KCNMA1: variants seen among roughly 807,000 people sequenced by gnomAD.
KCNMA1 encodes potassium calcium-activated channel subfamily M alpha 1, also known as Calcium-activated potassium channel subunit alpha-1.
A neutral mutation model predicts 140.0 loss-of-function variants in KCNMA1; 29 were observed. That is an observed-to-expected ratio of 0.21 (90% confidence interval 0.15 to 0.28). The LOEUF is 0.28. Ranked by LOEUF, KCNMA1 falls within the 10% of genes least tolerant of loss-of-function variation. The pLI is 1.00. For missense variants in KCNMA1, 880 were observed against 1,602.2 expected (o/e 0.55, Z 7.70); for synonymous variants, 612 against 611.9 (o/e 1.00, Z 0.00).
chr10:77,096,269 G>A (rs1207609133), intron 9 of KCNMA1, among the ~76,000 whole-genome samples: 1 of 152,124 alleles, frequency 6.6e-6, no homozygotes, highest in Non-Finnish European at 1.5e-5. Context: ...GTGACCTGGG[G>A]CCAGTCACTA....
chr10:77,330,876 T>C (rs2086123937), intron 2 of KCNMA1, among the ~76,000 whole-genome samples: 1 of 152,044 alleles, frequency 6.6e-6, no homozygotes, highest in Non-Finnish European at 1.5e-5. Context: ...AAAATGAAAA[T>C]AGTATTTTCC....
chr10:77,093,873 G>A (rs1470714136), intron 9 of KCNMA1, among the ~76,000 whole-genome samples: 1 of 152,180 alleles, frequency 6.6e-6, no homozygotes, highest in Admixed American at 6.5e-5. Context: ...GTTCCATGAT[G>A]CCTACATATC....
intron 2 of KCNMA1, among the ~76,000 whole-genome samples, chr10:77,290,131 C>T (rs1169075637): frequency 6.6e-6 from 1 of 152,070 alleles, no homozygotes; most frequent in Non-Finnish European, 1.5e-5. Flanking sequence ...GACCTACACA[C>T]CAAATTTTTT....
chr10:77,604,393 T>A (rs1161689276), intron 1 of KCNMA1, among the ~76,000 whole-genome samples: 1 of 152,132 alleles, frequency 6.6e-6, no homozygotes, highest in Middle Eastern at 3.2e-3. Context: ...TCAGCAGGCA[T>A]GATATTTATT....
intron 5 of KCNMA1, among the ~76,000 whole-genome samples, chr10:77,155,535 C>T (rs1312434179): frequency 2.0e-5 from 3 of 152,084 alleles, no homozygotes; most frequent in Non-Finnish European, 4.4e-5. Flanking sequence ...GCTCACCCTG[C>T]CCTGTTCTGC....
chr10:77,550,058 T>C (rs897326987), intron 1 of KCNMA1, among the ~76,000 whole-genome samples: 19 of 152,172 alleles, frequency 1.2e-4, no homozygotes, highest in Non-Finnish European at 2.4e-4. Flanking sequence ...AGATTCAGCA[T>C]TGTGCACGCA....
chr10:77,382,908 A>ACC, intron 2 of KCNMA1, among the ~76,000 whole-genome samples: 1 of 139,532 alleles, frequency 7.2e-6, no homozygotes, highest in Non-Finnish European at 1.5e-5. Context: ...ATATATACAC[A>ACC]CACACACACA....
At position 77,442,728 on chromosome 10, in the gene KCNMA1, T is replaced by C. The variant is rs3887430; in HGVS notation, c.379-38705A>G. Among the ~76,000 whole-genome samples, 1,387 of 152,232 alleles carry C rather than the reference T, an allele frequency of 9.1e-3. 11 individuals are homozygous for C. Among genetic ancestry groups the C allele is most frequent in the South Asian group, 0.043 (206 of 4,820 alleles). ...CTGAGTCCAACTCCCATCACCTATA[T>C]GCATGGGACTCAGCACACATTTGCT... On this transcript the variant is annotated intron_variant, in intron 1 of 27. Transcript: ENST00000286628.
chr10:77,534,901 C>T (rs573481369), intron 1 of KCNMA1, among the ~76,000 whole-genome samples: 1 of 152,132 alleles, frequency 6.6e-6, no homozygotes, highest in Non-Finnish European at 1.5e-5. Context: ...TAACTACAAA[C>T]TAAAACCTAC....
intron 2 of KCNMA1, among the ~76,000 whole-genome samples, chr10:77,304,719 G>T (rs999004160): frequency 6.6e-6 from 1 of 152,216 alleles, no homozygotes; most frequent in Non-Finnish European, 1.5e-5. Flanking sequence ...ACTCAGTGCA[G>T]CCCTGAGCAA....
At chr10:77,590,304 C>G (rs1357345075) in intron 1 of KCNMA1, among the ~76,000 whole-genome samples, 1 of 152,216 alleles carries the variant, frequency 6.6e-6, no homozygotes, top group African/African-American at 2.4e-5. Context: ...CTTGGGTGGT[C>G]GATGGGACTG....
chr10:77,426,940 C>A (rs1472085750), intron 1 of KCNMA1, among the ~76,000 whole-genome samples: 2 of 152,234 alleles, frequency 1.3e-5, no homozygotes. Context: ...GTAATTGCAA[C>A]ACAGGATTCA....
intron 2 of KCNMA1, among the ~76,000 whole-genome samples, chr10:77,302,184 C>T (rs752780296): frequency 9.9e-5 from 15 of 152,096 alleles, no homozygotes; most frequent in Non-Finnish European, 2.2e-4. Flanking sequence ...CTCTGATTTC[C>T]AAGCTTCCTT....
chr10:77,088,122 G>A (rs929823310), intron 10 of KCNMA1, among the ~76,000 whole-genome samples: 5 of 152,168 alleles, frequency 3.3e-5, no homozygotes, highest in Admixed American at 6.5e-5. Flanking sequence ...CACCATGCCC[G>A]GCTAATTTTT....
intron 2 of KCNMA1, among the ~76,000 whole-genome samples, chr10:77,253,833 T>C (rs1210000513): frequency 1.3e-5 from 2 of 152,216 alleles, no homozygotes; most frequent in African/African-American, 4.8e-5. Context: ...AAGGTAACTG[T>C]GCACGTAGTC....
chr10:77,139,379 A>G (rs899144338), intron 5 of KCNMA1, among the ~76,000 whole-genome samples: 3 of 152,300 alleles, frequency 2.0e-5, no homozygotes, highest in Admixed American at 1.3e-4. Flanking sequence ...AGCTAATTCT[A>G]GGGTTATAGA....
intron 12 of KCNMA1, among the ~76,000 whole-genome samples, chr10:77,081,296 G>A (rs2096560115): frequency 6.6e-6 from 1 of 152,192 alleles, no homozygotes; most frequent in South Asian, 2.1e-4. Flanking sequence ...GGTATGAGCA[G>A]CAAATGGGAG....
At chr10:77,229,016 G>A (rs1188695453) in intron 3 of KCNMA1, among the ~76,000 whole-genome samples, 1 of 152,240 alleles carries the variant, frequency 6.6e-6, no homozygotes, top group Non-Finnish European at 1.5e-5. Context: ...TCCATCACAA[G>A]TAACACAGTG....
At chr10:76,897,987 A>G (rs1177982301) in intron 25 of KCNMA1, among the ~76,000 whole-genome samples, 1 of 151,892 alleles carries the variant, frequency 6.6e-6, no homozygotes, top group Non-Finnish European at 1.5e-5. Flanking sequence ...TGGAAAGTTT[A>G]CACTACAGAA....
Sources: gnomAD v4.1 joint callset for allele counts (sites outside exome capture counted in the v4.1 genomes callset) on GRCh38, gnomAD v4.1.1 for gene constraint, MANE v1.5 for transcripts, NCBI Gene and HGNC (gene_info 2026-07-23, HGNC 2026-07-21) for gene names.